The following NFATC1 variants were observed in gnomAD, a reference collection of about 807,000 sequenced individuals.
NFATC1 encodes nuclear factor of activated T cells 1.
A neutral mutation model predicts 76.0 loss-of-function variants in NFATC1; 22 were observed. The observed-to-expected ratio is 0.29, with a 90% CI of 0.21 to 0.41. The LOEUF (loss-of-function observed/expected upper bound fraction) is 0.41, where lower values mean the gene tolerates loss of function less well. Ranked by LOEUF, NFATC1 falls within the 10% of genes least tolerant of loss-of-function variation. The probability of loss-of-function intolerance (pLI) is 1.00; values close to 1 mark genes in which losing one functional copy is unlikely to be tolerated. For missense variants in NFATC1, 1,357 were observed against 1,337.7 expected, an observed-to-expected ratio of 1.01 and a Z score of -0.23; for synonymous variants, 704 against 613.1, an observed-to-expected ratio of 1.15 and a Z score of -2.19.
chr18:79,458,651 G>A (rs1023701070), intron 6 of NFATC1, among the ~76,000 whole-genome samples: 6 of 152,230 alleles, frequency 3.9e-5, no homozygotes, highest in African/African-American at 1.4e-4. Flanking sequence ...CTAAGGACTC[G>A]GAGCTCTGAT....
At chr18:79,437,474 T>A (rs1179028459) in intron 3 of NFATC1, among the ~76,000 whole-genome samples, 1 of 138,822 alleles carries the variant, frequency 7.2e-6, no homozygotes, top group Non-Finnish European at 1.6e-5. Flanking sequence ...GGTGGGCCGG[T>A]CTGGATCTGC....
chr18:79,502,042 A>G (rs2090025476), intron 9 of NFATC1, among the ~76,000 whole-genome samples: 1 of 152,234 alleles, frequency 6.6e-6, no homozygotes, highest in South Asian at 2.1e-4. Flanking sequence ...AAGACCCAGA[A>G]TAGCCAAAAC....
chr18:79,403,324 G>A lies in NFATC1; in HGVS notation c.127+6973G>A, dbSNP rs373485549. 7.2e-5 allele frequency among the ~76,000 whole-genome samples: 11 copies of A among 152,374 alleles called. No individual in the cohort carries two copies. The East Asian group carries it at 1.3e-3, about 19-fold the overall frequency. On this transcript the variant is annotated intron_variant, in intron 1 of 9. Coordinates refer to ENST00000427363, the MANE Select transcript of NFATC1 (RefSeq NM_001278669.2). ...TAGATATTCAGTAACCATTTGTTGG[G>A]ACAATGAAAAGAGAATATTGTAAAT...
chr18:79,407,777 C>G (rs1179491010), intron 1 of NFATC1, among the ~76,000 whole-genome samples: 1 of 152,334 alleles, frequency 6.6e-6, no homozygotes, highest in African/African-American at 2.4e-5. Flanking sequence ...ACTGTTCTCT[C>G]TCCGGTGCAG....
chr18:79,423,180 C>T lies in NFATC1; in HGVS notation c.1227-10399C>T, dbSNP rs190231326. 1.9e-3 allele frequency among the ~76,000 whole-genome samples: 284 copies of T among 152,224 alleles called. 1 individual carries two copies. The highest frequency in any genetic ancestry group is 6.0e-3 in the Admixed American group (92 of 15,298). ...CTGTGTCCTGGTCGTACTCCAATCC[C>T]GTGTGGTGGAGCCACGGGACGCCAT... On this transcript the variant is annotated intron_variant, in intron 2 of 9. Transcript: ENST00000427363.
chr18:79,399,561 C>T (rs1046950634), intron 1 of NFATC1, among the ~76,000 whole-genome samples: 3 of 152,252 alleles, frequency 2.0e-5, no homozygotes, highest in Admixed American at 6.5e-5. Flanking sequence ...CTAAGCAGCC[C>T]GGCTTTCCGG....
chr18:79,456,519 C>T (rs1440104340), intron 6 of NFATC1, among the ~76,000 whole-genome samples: 1 of 152,256 alleles, frequency 6.6e-6, no homozygotes, highest in Admixed American at 6.5e-5. Flanking sequence ...GGCCACCCTG[C>T]CCCTCTCCTC....
intron 6 of NFATC1, 149 bp from the exon 7 acceptor site, chr18:79,461,162 C>T (rs1186319953): frequency 1.5e-5 from 12 of 825,308 alleles, no homozygotes; most frequent in East Asian, 2.7e-5. Context: ...GTGCTGCCCT[C>T]GACAAAGCCC....
Position 79,486,945 on chromosome 18 carries a change from C to T in NFATC1, c.2782+8C>T. On this transcript the variant is annotated splice_region_variant and intron_variant, in intron 9 of 9. Transcript: ENST00000427363. ...AGTTGTACCTGGATGACGGTGAGTG[C>T]CCGCAGCCATGCAGGTGTGTGCCCC... 6.3e-7 allele frequency: 1 copy of T among 1,583,886 alleles called. No homozygotes were observed. The highest frequency in any genetic ancestry group is 8.6e-7 in the Non-Finnish European group (1 of 1,162,082).
intron 9 of NFATC1, among the ~76,000 whole-genome samples, chr18:79,521,965 TGTGTGTGGG>T: frequency 1.2e-5 from 1 of 86,034 alleles, no homozygotes; most frequent in Non-Finnish European, 2.2e-5. Context: ...GGTTGTCTGC[TGTGTGTGGG>T]GAGGGGGCAT....
At chr18:79,514,445 C>T (rs838053) in intron 9 of NFATC1, among the ~76,000 whole-genome samples, 13,957 of 151,204 alleles carry the variant, frequency 0.092, 894 homozygotes, top group East Asian at 0.26. Context: ...TGTGTTGGCG[C>T]TCAGGAGCTG....
chr18:79,419,707 G>A (rs2086004999), intron 2 of NFATC1, among the ~76,000 whole-genome samples: 1 of 152,334 alleles, frequency 6.6e-6, no homozygotes, highest in East Asian at 1.9e-4. Flanking sequence ...TGGTCCTGAT[G>A]TGCGTCGGTG....
At chr18:79,419,419 A>G (rs2085990025) in intron 2 of NFATC1, among the ~76,000 whole-genome samples, 1 of 149,856 alleles carries the variant, frequency 6.7e-6, no homozygotes, top group Non-Finnish European at 1.5e-5. Flanking sequence ...GGAGCCCCCT[A>G]GGAGGGTCAG....
rs538539089 is a variant in NFATC1, at chr18:79,481,774, G to T, written c.2093-4474G>T. Among the ~76,000 whole-genome samples the T allele has an allele frequency of 2.0e-5, 3 of 152,268 alleles. No individual in the cohort carries two copies. In the East Asian group the frequency reaches 5.8e-4, roughly 29 times the overall value. On this transcript the variant is annotated intron_variant, in intron 8 of 9. Coordinates refer to ENST00000427363, the MANE Select transcript of NFATC1 (RefSeq NM_001278669.2). ...ATGTGACGTCTGGGGTGTAATTCCA[G>T]CGTGACCTGGTCCTGGGGTGTCACT...
At chr18:79,400,818 T>TCCCCCCCGCG (rs1482993798) in intron 1 of NFATC1, among the ~76,000 whole-genome samples, 5 of 4,292 alleles carry the variant, frequency 1.2e-3, no homozygotes, top group Admixed American at 7.7e-3. Context: ...CCTCCCGACC[T>TCCCCCCCGCG]CCCCGACCCC....
At chr18:79,473,836 G>A (rs1227710388) in intron 8 of NFATC1, among the ~76,000 whole-genome samples, 1 of 148,380 alleles carries the variant, frequency 6.7e-6, no homozygotes, top group Non-Finnish European at 1.5e-5. Flanking sequence ...TGAGGGAAGT[G>A]TGTTCTCACA....
At chr18:79,510,459 AC>A (rs1440917168) in intron 9 of NFATC1, among the ~76,000 whole-genome samples, 1 of 152,196 alleles carries the variant, frequency 6.6e-6, no homozygotes, top group Non-Finnish European at 1.5e-5. Context: ...ATGCGGCCCT[AC>A]CTGATGGCAC....
chr18:79,411,515 GCGGGGCGGGA>G lies in NFATC1; in HGVS notation c.1226+20_1226+29del. On this transcript the variant is annotated intron_variant, in intron 2 of 9. Coordinates refer to ENST00000427363, the MANE Select transcript of NFATC1 (RefSeq NM_001278669.2). ...GTCCTACATGAGGTGAGCCGGCAGC[GCGGGGCGGGA>G]CGGGGAGGCGAGGGGAGGCGCGGGG... The G allele has an allele frequency of 2.1e-6, 3 of 1,459,650 alleles. No homozygotes were observed. The highest frequency in any genetic ancestry group is 1.8e-6 in the Non-Finnish European group (2 of 1,107,746). 90.4% of individuals were successfully genotyped at this position (1,459,650 alleles called of 1,614,324 possible).
Position 79,486,740 on chromosome 18 carries a change from A to T in NFATC1, c.2585A>T (p.Gln862Leu). 1 of 1,600,516 alleles carries T rather than the reference A, an allele frequency of 6.2e-7. No homozygotes were observed. The highest frequency in any genetic ancestry group is 1.1e-5 in the South Asian group (1 of 90,214). ...PPATQEPTCL[Q>L]PCSPACPPAT... is the part of the protein sequence containing the mutation. ...GCCACCCAAGAGCCGACCTGCCTGC[A>T]GCCCTGCAGCCCAGCGTGCCCGCCC... The change falls in exon 9 of 10, where the codon CAG becomes CTG. Residue 862 changes from glutamine to leucine, a missense_variant. Physicochemically the swap from Gln to Leu is moderately radical, Grantham distance 113. Coordinates refer to ENST00000427363, the MANE Select transcript of NFATC1 (RefSeq NM_001278669.2).
Sources: allele counts gnomAD v4.1 joint callset (sites outside exome capture counted in the v4.1 genomes callset), GRCh38; gene constraint gnomAD v4.1.1; transcripts MANE v1.5; gene names NCBI Gene and HGNC (gene_info 2026-07-23, HGNC 2026-07-21).